SLC8A1: variants seen among roughly 807,000 people sequenced by gnomAD.
The protein encoded by SLC8A1 is solute carrier family 8 member A1.
In SLC8A1, 18 loss-of-function variants were observed where a neutral mutation model predicts 68.3. That is an observed-to-expected ratio of 0.26 (90% CI 0.18 to 0.39). SLC8A1 has a LOEUF of 0.39. Ranked by LOEUF, SLC8A1 falls within the 10% of genes least tolerant of loss-of-function variation. SLC8A1 has a pLI of 1.00. For synonymous variants in SLC8A1, 475 were observed against 415.5 expected (o/e 1.14, Z -1.74); for missense variants, 985 against 1,156.7 (o/e 0.85, Z 2.15).
At chr2:40,443,650 G>A (rs935241921) in intron 1 of SLC8A1, among the ~76,000 whole-genome samples, 1 of 152,174 alleles carries the variant, frequency 6.6e-6, no homozygotes, top group Non-Finnish European at 1.5e-5. Context: ...CACTTATAGG[G>A]TCAATGTGGT....
intron 2 of SLC8A1, among the ~76,000 whole-genome samples, chr2:40,351,740 A>C (rs1211880387): frequency 6.6e-6 from 1 of 152,130 alleles, no homozygotes; most frequent in Non-Finnish European, 1.5e-5. Flanking sequence ...TTTGACAAAG[A>C]CAGTAAAGAG....
intron 2 of SLC8A1, among the ~76,000 whole-genome samples, chr2:40,217,136 T>C (rs1371594110): frequency 6.6e-6 from 1 of 152,198 alleles, no homozygotes; most frequent in African/African-American, 2.4e-5. Context: ...TACATTAAAG[T>C]CTTGAATCCA....
chr2:40,320,878 T>A (rs954818098), intron 2 of SLC8A1, among the ~76,000 whole-genome samples: 2 of 152,170 alleles, frequency 1.3e-5, no homozygotes, highest in African/African-American at 2.4e-5. Context: ...CAGTCACTAC[T>A]CAGAACAAAT....
intron 1 of SLC8A1, among the ~76,000 whole-genome samples, chr2:40,448,034 G>C (rs745467020): frequency 2.0e-5 from 3 of 152,180 alleles, no homozygotes; most frequent in Non-Finnish European, 4.4e-5. Flanking sequence ...AACACCTACT[G>C]TTCAATATAG....
intron 2 of SLC8A1, among the ~76,000 whole-genome samples, chr2:40,305,518 A>G (rs1245370914): frequency 6.6e-6 from 1 of 152,186 alleles, no homozygotes; most frequent in Non-Finnish European, 1.5e-5. Context: ...CAAGTTATAG[A>G]AGCTATGTAT....
chr2:40,097,753 G>C (rs1270631632), exon 8 of SLC8A1: 1 of 151,948 alleles, frequency 6.6e-6, no homozygotes, highest in African/African-American at 2.4e-5. Context: ...TTAACAAAAT[G>C]CACAGTGATC....
chr2:40,409,439 T>A (rs1691428985), intron 2 of SLC8A1, among the ~76,000 whole-genome samples: 1 of 152,148 alleles, frequency 6.6e-6, no homozygotes, highest in African/African-American at 2.4e-5. Flanking sequence ...AGAGCAAGCT[T>A]CTGGACAGAA....
chr2:40,314,065 C>T (rs2074110546), intron 2 of SLC8A1, among the ~76,000 whole-genome samples: 1 of 151,936 alleles, frequency 6.6e-6, no homozygotes, highest in Non-Finnish European at 1.5e-5. Flanking sequence ...GATAAAGAAT[C>T]TAGGAAATCT....
At chr2:40,412,853 C>T (rs1245119277) in intron 2 of SLC8A1, among the ~76,000 whole-genome samples, 2 of 152,118 alleles carry the variant, frequency 1.3e-5, no homozygotes, top group Admixed American at 6.6e-5. Context: ...ATCTAAATAT[C>T]CTCTGAAATG....
At chr2:40,179,003 ATTG>A (rs1295443391) in intron 2 of SLC8A1, among the ~76,000 whole-genome samples, 1 of 151,086 alleles carries the variant, frequency 6.6e-6, no homozygotes, top group Non-Finnish European at 1.5e-5. Context: ...TTTATCATAA[ATTG>A]TTATTAAAAT....
chr2:40,470,058 A>T (rs982715302), intron 1 of SLC8A1, among the ~76,000 whole-genome samples: 3 of 149,468 alleles, frequency 2.0e-5, no homozygotes, highest in Non-Finnish European at 4.5e-5. Context: ...CAGTTTCAAC[A>T]TTGTTTTAGT....
intron 2 of SLC8A1, among the ~76,000 whole-genome samples, chr2:40,269,128 A>T (rs995585307): frequency 1.3e-5 from 2 of 152,216 alleles, no homozygotes; most frequent in African/African-American, 4.8e-5. Flanking sequence ...AGGCTTCCAG[A>T]ACTCAACTCT....
chr2:40,170,187 A>C, intron 4 of SLC8A1, 94 bp downstream of exon 7: 1 of 1,083,408 alleles, frequency 9.2e-7, no homozygotes, highest in East Asian at 2.4e-5. Context: ...AATGTTTTAC[A>C]GAGGAGAGGG....
chr2:40,268,296 G>C (rs1453930119), intron 2 of SLC8A1, among the ~76,000 whole-genome samples: 2 of 152,112 alleles, frequency 1.3e-5, no homozygotes, highest in African/African-American at 2.4e-5. Context: ...ACTCACTAAA[G>C]TGAAATTCCT....
chr2:40,375,478 T>C (rs969877407), intron 2 of SLC8A1, among the ~76,000 whole-genome samples: 1 of 152,138 alleles, frequency 6.6e-6, no homozygotes, highest in African/African-American at 2.4e-5. Flanking sequence ...ATTGGATAGT[T>C]TTATTAGAAG....
chr2:40,098,838 A>G (rs745548431), exon 8 of SLC8A1: 7 of 152,024 alleles, frequency 4.6e-5, no homozygotes, highest in Non-Finnish European at 8.8e-5. Context: ...GTTTCTTACA[A>G]TCACATTCAT....
chr2:40,429,939 G>A (rs1697866571), exon 2 of SLC8A1: 1 of 1,613,338 alleles, frequency 6.2e-7, no homozygotes, highest in South Asian at 1.1e-5. Context: ...GTTTCTTTAT[G>A]GTTATTTCTT....
intron 2 of SLC8A1, among the ~76,000 whole-genome samples, chr2:40,348,784 G>T (rs1292237008): frequency 6.6e-6 from 1 of 152,124 alleles, no homozygotes; most frequent in Non-Finnish European, 1.5e-5. Context: ...AGAGGGAAGC[G>T]GTATTCAGTC....
At chr2:40,179,274 A>G (rs17025453) in intron 2 of SLC8A1, among the ~76,000 whole-genome samples, 19,036 of 152,216 alleles carry the variant, frequency 0.13, 1,308 homozygotes, top group African/African-American at 0.15. Context: ...TTAACTTTCT[A>G]TGAAACATGC....
Sources: allele counts gnomAD v4.1 joint callset (sites outside exome capture counted in the v4.1 genomes callset), GRCh38; gene constraint gnomAD v4.1.1; transcripts MANE v1.5; gene names NCBI Gene and HGNC (gene_info 2026-07-23, HGNC 2026-07-21).